The following CNTN5 variants were observed in gnomAD, a reference collection of about 807,000 sequenced individuals.
The protein encoded by CNTN5 is contactin 5.
CNTN5 carries 77 observed loss-of-function variants against 129.1 expected under a neutral mutation model. The observed-to-expected ratio is 0.60, with a 90% CI of 0.50 to 0.72. The LOEUF (loss-of-function observed/expected upper bound fraction) is 0.72, where lower values mean the gene tolerates loss of function less well. CNTN5 is among the 30% of genes least tolerant of loss of function. The pLI is 0.00. For missense variants in CNTN5, 1,478 were observed against 1,328.8 expected, an observed-to-expected ratio of 1.11 and a Z score of -1.75; for synonymous variants, 509 against 465.6, an observed-to-expected ratio of 1.09 and a Z score of -1.20.
At chr11:99,648,263 T>C (rs1251709294) in intron 3 of CNTN5, among the ~76,000 whole-genome samples, 1 of 151,990 alleles carries the variant, frequency 6.6e-6, no homozygotes, top group African/African-American at 2.4e-5. Flanking sequence ...CTTGCATTCC[T>C]GGGATAAATA....
chr11:99,696,679 T>C (rs1015265705), intron 3 of CNTN5, among the ~76,000 whole-genome samples: 3 of 151,896 alleles, frequency 2.0e-5, no homozygotes, highest in Non-Finnish European at 4.4e-5. Context: ...TTCCACTCTA[T>C]CATGATTATA....
chr11:99,858,658 G>T (rs12796245), intron 6 of CNTN5, among the ~76,000 whole-genome samples: 148,293 of 148,294 alleles, frequency 1, 74,146 homozygotes, highest in Middle Eastern at 1. Flanking sequence ...TAGTGATATT[G>T]TGTTTTCGAG....
intron 8 of CNTN5, among the ~76,000 whole-genome samples, chr11:99,980,927 T>C (rs1312900260): frequency 6.6e-6 from 1 of 151,608 alleles, no homozygotes; most frequent in Non-Finnish European, 1.5e-5. Context: ...ATGATTGAAG[T>C]ATAAACAGAA....
chr11:99,262,361 A>G (rs905374724), intron 1 of CNTN5, among the ~76,000 whole-genome samples: 3 of 152,094 alleles, frequency 2.0e-5, no homozygotes, highest in Admixed American at 6.6e-5. Context: ...TATTTTGATA[A>G]TGGAATTTCA....
At chr11:99,885,260 C>T (rs1348188758) in intron 6 of CNTN5, among the ~76,000 whole-genome samples, 2 of 151,236 alleles carry the variant, frequency 1.3e-5, no homozygotes, top group Non-Finnish European at 2.9e-5. Context: ...CCAGCCTGGG[C>T]AAGAGGGCAA....
intron 13 of CNTN5, among the ~76,000 whole-genome samples, chr11:100,175,611 A>G (rs921690855): frequency 1.3e-5 from 2 of 152,142 alleles, no homozygotes; most frequent in African/African-American, 4.8e-5. Context: ...GAATTAGTCA[A>G]GGAGACACTG....
intron 23 of CNTN5, among the ~76,000 whole-genome samples, chr11:100,348,415 G>A (rs1031572940): frequency 6.6e-6 from 1 of 151,850 alleles, no homozygotes; most frequent in Non-Finnish European, 1.5e-5. Flanking sequence ...TCTCAAACTC[G>A]TTTTGACACC....
At chr11:100,264,359 G>T (rs893973356) in intron 17 of CNTN5, among the ~76,000 whole-genome samples, 3 of 152,042 alleles carry the variant, frequency 2.0e-5, no homozygotes, top group African/African-American at 7.2e-5. Context: ...CATGCATTAG[G>T]TGTTTGTCCT....
intron 3 of CNTN5, among the ~76,000 whole-genome samples, chr11:99,633,282 A>G (rs919448936): frequency 3.3e-5 from 5 of 152,214 alleles, no homozygotes; most frequent in Admixed American, 2.6e-4. Context: ...TTTTAAACTG[A>G]CGCATACAGG....
chr11:99,110,089 G>A (rs1857716566), intron 1 of CNTN5, among the ~76,000 whole-genome samples: 1 of 152,076 alleles, frequency 6.6e-6, no homozygotes, highest in South Asian at 2.1e-4. Flanking sequence ...AGAAAGAAGG[G>A]AACCTCGCTC....
chr11:100,052,223 T>G (rs1450514828), intron 9 of CNTN5, among the ~76,000 whole-genome samples: 1 of 151,884 alleles, frequency 6.6e-6, no homozygotes, highest in Non-Finnish European at 1.5e-5. Flanking sequence ...GAGGGAAACT[T>G]TCTCATCTAG....
intron 1 of CNTN5, among the ~76,000 whole-genome samples, chr11:99,167,695 T>G (rs776125892): frequency 1.4e-4 from 21 of 152,102 alleles, no homozygotes; most frequent in Non-Finnish European, 2.5e-4. Context: ...GTGAAAGAAC[T>G]TATGAATTTA....
chr11:100,059,536 A>C (rs1356080123), intron 9 of CNTN5, among the ~76,000 whole-genome samples: 1 of 152,158 alleles, frequency 6.6e-6, no homozygotes, highest in Non-Finnish European at 1.5e-5. Flanking sequence ...AATAAAAAAA[A>C]CATAAGCAAA....
intron 1 of CNTN5, among the ~76,000 whole-genome samples, chr11:99,176,853 C>A (rs1279842193): frequency 6.6e-6 from 1 of 152,170 alleles, no homozygotes; most frequent in East Asian, 1.9e-4. Flanking sequence ...TTCTGTCACT[C>A]CTCTGCTTAA....
intron 7 of CNTN5, among the ~76,000 whole-genome samples, chr11:99,941,562 C>A (rs1018360900): frequency 6.1e-5 from 4 of 65,176 alleles, no homozygotes; most frequent in Admixed American, 4.3e-4. Context: ...GAGGTAAATA[C>A]ATAAGACAAA....
chr11:99,134,241 G>A (rs1012712642), intron 1 of CNTN5, among the ~76,000 whole-genome samples: 3 of 152,058 alleles, frequency 2.0e-5, no homozygotes, highest in Admixed American at 6.5e-5. Flanking sequence ...TACATACACT[G>A]GAACCTGCTG....
At chr11:100,211,382 A>G (rs1949027151) in intron 15 of CNTN5, among the ~76,000 whole-genome samples, 1 of 152,152 alleles carries the variant, frequency 6.6e-6, no homozygotes, top group Admixed American at 6.5e-5. Context: ...CTTTAAAATA[A>G]TGTATGAAGA....
At chr11:99,728,483 C>G (rs1943425423) in intron 3 of CNTN5, among the ~76,000 whole-genome samples, 1 of 152,070 alleles carries the variant, frequency 6.6e-6, no homozygotes, top group African/African-American at 2.4e-5. Flanking sequence ...TAAATATACT[C>G]AATGTTTCTA....
intron 6 of CNTN5, among the ~76,000 whole-genome samples, chr11:99,887,900 G>T (rs1033703767): frequency 1.3e-5 from 2 of 152,146 alleles, no homozygotes; most frequent in Admixed American, 1.3e-4. Flanking sequence ...GCCTCTCCCA[G>T]TCCACTCACT....
Sources: gnomAD v4.1 joint callset for allele counts (sites outside exome capture counted in the v4.1 genomes callset) on GRCh38, gnomAD v4.1.1 for gene constraint, MANE v1.5 for transcripts, NCBI Gene and HGNC (gene_info 2026-07-23, HGNC 2026-07-21) for gene names.